FRMPD2: variants seen among roughly 807,000 people sequenced by gnomAD.
The protein encoded by FRMPD2 is FERM and PDZ domain containing 2, also known as FERM and PDZ domain-containing protein 2.
A neutral mutation model predicts 140.1 loss-of-function variants in FRMPD2; 96 were observed. The ratio of observed to expected loss-of-function variants is 0.69; its 90% CI spans 0.58 to 0.81. The LOEUF (loss-of-function observed/expected upper bound fraction) is 0.81, where lower values mean the gene tolerates loss of function less well. Ranked by LOEUF, FRMPD2 falls within the 40% of genes least tolerant of loss-of-function variation. The probability of loss-of-function intolerance (pLI) is 0.00; values close to 1 mark genes in which losing one functional copy is unlikely to be tolerated. For missense variants in FRMPD2, 1,240 were observed against 1,447.4 expected (o/e 0.86, Z 2.32); for synonymous variants, 449 against 547.6 (o/e 0.82, Z 2.52).
In FRMPD2 at chr10:48,240,634, C is replaced by G. The variant is rs1223880497; in HGVS notation, c.568-142G>C. 2.6e-6 allele frequency: 3 copies of G among 1,165,738 alleles called. No homozygotes were observed. In the African/African-American group the frequency reaches 4.6e-5, roughly 18 times the overall value. 72.2% of individuals were successfully genotyped at this position (1,165,738 alleles called of 1,614,324 possible). On this transcript the variant is annotated intron_variant, in intron 5 of 28. Transcript: ENST00000374201. ...GACCTAAAGATGTGTTCTCTGGCAC[C>G]CAGAATGTGCTCTGTGCCCACCCCC...
At chr10:48,216,754 G>C (rs1423997073) in intron 12 of FRMPD2, among the ~76,000 whole-genome samples, 1 of 152,176 alleles carries the variant, frequency 6.6e-6, no homozygotes, top group Non-Finnish European at 1.5e-5. Flanking sequence ...AGATGAAAAA[G>C]CCAAGGCTCA....
intron 1 of FRMPD2, among the ~76,000 whole-genome samples, chr10:48,263,978 G>C (rs1840638912): frequency 6.6e-6 from 1 of 152,012 alleles, no homozygotes; most frequent in Admixed American, 6.6e-5. Context: ...AGGTATGCAA[G>C]GCTGGTGTGA....
chr10:48,259,414 G>T (rs1173247991), intron 1 of FRMPD2, among the ~76,000 whole-genome samples: 2 of 152,176 alleles, frequency 1.3e-5, no homozygotes, highest in Non-Finnish European at 2.9e-5. Context: ...ACTAATTAAA[G>T]CTATATGGGT....
intron 15 of FRMPD2, among the ~76,000 whole-genome samples, chr10:48,194,196 A>G (rs1399979785): frequency 6.6e-6 from 1 of 152,202 alleles, no homozygotes; most frequent in Non-Finnish European, 1.5e-5. Flanking sequence ...AATCCTCACA[A>G]TAACCCTATG....
In FRMPD2 at chr10:48,251,664, G is replaced by T; in HGVS notation, c.53C>A (p.Ala18Asp). 6.2e-7 allele frequency: 1 copy of T among 1,614,196 alleles called. No homozygotes were observed. The highest frequency in any genetic ancestry group is 8.5e-7 in the Non-Finnish European group (1 of 1,180,004). Residue 18 changes from alanine (A) to aspartate (D), a missense_variant, in exon 2 of 29, where the codon GCC becomes GAC. This residue lies in a region of FRMPD2 where 1,161 missense variants were observed against 1,055.9 expected (regional missense o/e 1.10). Transcript: ENST00000374201. ...AGMSLSSVTL[A>D]SALQVRGEAL... ...TTCACCCCTGACCTGTAGGGCGCTG[G>T]CCAGCGTCACAGAGGACAGGCTCAT...
chr10:48,201,223 C>T lies in FRMPD2; in HGVS notation c.1954+5G>A, dbSNP rs1839077373. 1.2e-6 allele frequency: 2 copies of T among 1,600,870 alleles called. No individual in the cohort carries two copies. Among genetic ancestry groups the T allele is most frequent in the Admixed American group, 1.7e-5 (1 of 57,874 alleles). On this transcript the variant is annotated splice_donor_5th_base_variant and intron_variant, in intron 15 of 28. Transcript: ENST00000374201. ...GTGTATATGGAGAATACAGCTTCTA[C>T]TCACCAAATAAAACATGGGAAGGCT...
intron 16 of FRMPD2, among the ~76,000 whole-genome samples, chr10:48,188,689 G>A (rs1838753447): frequency 6.6e-6 from 1 of 152,236 alleles, no homozygotes; most frequent in Non-Finnish European, 1.5e-5. Flanking sequence ...AGTCTGGGAG[G>A]AGCCGAGAGA....
In FRMPD2 at chr10:48,244,936, T is replaced by C. The variant is rs1484257335; in HGVS notation, c.310-87A>G. 5.0e-6 allele frequency: 5 copies of C among 996,966 alleles called. No homozygotes were observed. In the East Asian group the frequency reaches 9.8e-5, roughly 20 times the overall value. 61.8% of individuals were successfully genotyped at this position (996,966 alleles called of 1,614,324 possible). On this transcript the variant is annotated intron_variant, in intron 3 of 28. Coordinates refer to ENST00000374201, the MANE Select transcript of FRMPD2 (RefSeq NM_001018071.4). ...AGAAAAATACAATCCAATTTCCACA[T>C]GAACAGACACTGTTGTCTGGCGAGT...
chr10:48,186,067 C>T (rs1415798128), intron 17 of FRMPD2, among the ~76,000 whole-genome samples: 1 of 152,204 alleles, frequency 6.6e-6, no homozygotes, highest in African/African-American at 2.4e-5. Context: ...CTTCCCATCC[C>T]AGGCCTCAAA....
chr10:48,225,321 GA>G (rs1016543115), intron 10 of FRMPD2, among the ~76,000 whole-genome samples: 1 of 152,150 alleles, frequency 6.6e-6, no homozygotes, highest in Non-Finnish European at 1.5e-5. Context: ...TGCCTATACC[GA>G]AAAATACCAC....
chr10:48,170,426 G>A (rs1838209743), intron 26 of FRMPD2, among the ~76,000 whole-genome samples: 1 of 152,156 alleles, frequency 6.6e-6, no homozygotes, highest in Non-Finnish European at 1.5e-5. Flanking sequence ...AGGGGTAACT[G>A]CATCCCACTC....
intron 1 of FRMPD2, among the ~76,000 whole-genome samples, chr10:48,266,816 G>T (rs1840685692): frequency 6.6e-6 from 1 of 152,224 alleles, no homozygotes; most frequent in Non-Finnish European, 1.5e-5. Flanking sequence ...CGGGGGTGGT[G>T]CCAGGGAAGG....
chr10:48,202,303 G>C (rs1015986113), intron 14 of FRMPD2, among the ~76,000 whole-genome samples: 1 of 152,026 alleles, frequency 6.6e-6, no homozygotes, highest in Non-Finnish European at 1.5e-5. Context: ...GCTTGAAAGG[G>C]CTTCCGGAAA....
At chr10:48,219,691 A>C (rs1045095590) in intron 12 of FRMPD2, among the ~76,000 whole-genome samples, 1 of 152,214 alleles carries the variant, frequency 6.6e-6, no homozygotes, top group Non-Finnish European at 1.5e-5. Context: ...AGGTAGGTAA[A>C]TACATTAGCA....
At chr10:48,193,335 G>A (rs545178964) in intron 15 of FRMPD2, among the ~76,000 whole-genome samples, 1 of 152,172 alleles carries the variant, frequency 6.6e-6, no homozygotes, top group South Asian at 2.1e-4. Flanking sequence ...ATTAGGCTCT[G>A]CTCTGTGGAG....
At chr10:48,195,652 T>C (rs1425933739) in intron 15 of FRMPD2, among the ~76,000 whole-genome samples, 3 of 152,182 alleles carry the variant, frequency 2.0e-5, no homozygotes, top group Admixed American at 2.0e-4. Context: ...AGAAATGATA[T>C]AAAATATAGA....
intron 9 of FRMPD2, among the ~76,000 whole-genome samples, chr10:48,233,404 C>A (rs1204919621): frequency 3.9e-5 from 6 of 152,226 alleles, no homozygotes. Context: ...CAGTCTGGCA[C>A]AAGGCCTAGG....
At chr10:48,195,111 C>CA (rs1293508021) in intron 15 of FRMPD2, among the ~76,000 whole-genome samples, 1 of 152,178 alleles carries the variant, frequency 6.6e-6, no homozygotes, top group African/African-American at 2.4e-5. Flanking sequence ...CCAAGGGCCA[C>CA]AAGGAAAAGA....
chr10:48,271,743 TA>T (rs1840770399), intron 1 of FRMPD2, among the ~76,000 whole-genome samples: 1 of 152,156 alleles, frequency 6.6e-6, no homozygotes, highest in Non-Finnish European at 1.5e-5. Flanking sequence ...GGAAAGCAGC[TA>T]AAAACACTGA....
Sources: allele counts gnomAD v4.1 joint callset (sites outside exome capture counted in the v4.1 genomes callset), GRCh38; gene constraint gnomAD v4.1.1; regional missense constraint gnomAD v4.1.1; transcripts MANE v1.5; gene names NCBI Gene and HGNC (gene_info 2026-07-23, HGNC 2026-07-21).